Variants in MAP4K3 observed in about 807,000 individuals in gnomAD.
MAP4K3 encodes the protein mitogen-activated protein kinase kinase kinase kinase 3.
Under a neutral mutation model 143.5 loss-of-function variants are expected in MAP4K3, and 94 were observed. The observed-to-expected ratio is 0.65, with a 90% CI of 0.55 to 0.78. MAP4K3 has a LOEUF of 0.78. Ranked by LOEUF, MAP4K3 falls within the 30% of genes least tolerant of loss-of-function variation. The probability of loss-of-function intolerance (pLI) is 0.00; values close to 1 mark genes in which losing one functional copy is unlikely to be tolerated. For synonymous variants in MAP4K3, 416 were observed against 347.2 expected, an observed-to-expected ratio of 1.20 and a Z score of -2.20; for missense variants, 1,077 against 1,068.1, an observed-to-expected ratio of 1.01 and a Z score of -0.12.
At chr2:39,346,141 A>G (rs7563941) in intron 3 of MAP4K3, among the ~76,000 whole-genome samples, 123,405 of 152,132 alleles carry the variant, frequency 0.81, 50,592 homozygotes, top group Non-Finnish European at 0.88. Flanking sequence ...CTTTCAGAAT[A>G]GATGTCTGAG....
At chr2:39,253,282 C>T (rs751700986) in intron 32 of MAP4K3, among the ~76,000 whole-genome samples, 5 of 152,160 alleles carry the variant, frequency 3.3e-5, no homozygotes, top group African/African-American at 7.2e-5. Context: ...TAGAGGCACG[C>T]GCCACCACGC....
intron 1 of MAP4K3, among the ~76,000 whole-genome samples, chr2:39,423,991 T>G (rs2148631042): frequency 6.6e-6 from 1 of 152,284 alleles, no homozygotes; most frequent in South Asian, 2.1e-4. Flanking sequence ...CTGCCCAGGC[T>G]GGAGTGCAGT....
Position 39,272,269 on chromosome 2 carries a change from G to A in MAP4K3, c.1973+14C>T, listed in dbSNP as rs1484819361. The A allele has an allele frequency of 6.4e-7, 1 of 1,557,562 alleles. No individual in the cohort carries two copies. The highest frequency in any genetic ancestry group is 8.9e-7 in the Non-Finnish European group (1 of 1,129,608). On this transcript the variant is annotated intron_variant, in intron 26 of 33. Transcript: ENST00000263881. ...ACTGTTAATATCATATTGCCTCTAA[G>A]GATGTACCCTTACCTTGGCAGTATT...
At chr2:39,261,942 A>G (rs993797017) in intron 28 of MAP4K3, among the ~76,000 whole-genome samples, 2 of 152,174 alleles carry the variant, frequency 1.3e-5, no homozygotes, top group African/African-American at 4.8e-5. Context: ...GTAAAAAAGA[A>G]GCAGGGAGCT....
At chr2:39,314,720 T>C (rs72925249) in intron 13 of MAP4K3, among the ~76,000 whole-genome samples, 10,536 of 152,278 alleles carry the variant, frequency 0.069, 1,243 homozygotes, top group African/African-American at 0.24. Context: ...TGTGAATGAA[T>C]GGCTTGTCTT....
At chr2:39,350,075 G>A (rs1665408745) in intron 3 of MAP4K3, among the ~76,000 whole-genome samples, 2 of 152,164 alleles carry the variant, frequency 1.3e-5, no homozygotes. Flanking sequence ...AACTAACAGA[G>A]GACAGGGGTA....
chr2:39,430,952 T>C (rs907505542), intron 1 of MAP4K3, among the ~76,000 whole-genome samples: 4 of 152,190 alleles, frequency 2.6e-5, no homozygotes, highest in Non-Finnish European at 5.9e-5. Flanking sequence ...CCATGGTTTG[T>C]TCCTCTCGTG....
chr2:39,368,079 G>T (rs1427877756), intron 2 of MAP4K3, among the ~76,000 whole-genome samples: 1 of 152,106 alleles, frequency 6.6e-6, no homozygotes, highest in East Asian at 1.9e-4. Context: ...GTTTACCCGA[G>T]TGGTTCTGAT....
At chr2:39,416,008 A>AC (rs1667369752) in intron 1 of MAP4K3, among the ~76,000 whole-genome samples, 1 of 92,024 alleles carries the variant, frequency 1.1e-5, no homozygotes, top group Admixed American at 1.1e-4. Context: ...TATATATAAA[A>AC]ATAACATTTG....
intron 2 of MAP4K3, among the ~76,000 whole-genome samples, chr2:39,375,434 CT>C (rs1666192211): frequency 2.0e-5 from 3 of 151,970 alleles, no homozygotes; most frequent in African/African-American, 7.3e-5. Flanking sequence ...AAAATCTGGA[CT>C]GGGGGGGAAC....
chr2:39,367,178 T>C (rs939589496), intron 2 of MAP4K3, among the ~76,000 whole-genome samples: 1 of 152,242 alleles, frequency 6.6e-6, no homozygotes, highest in Admixed American at 6.5e-5. Context: ...TTTACATACA[T>C]TGTTACTGAA....
At chr2:39,325,266 C>T (rs1048333217) in intron 12 of MAP4K3, among the ~76,000 whole-genome samples, 1 of 152,152 alleles carries the variant, frequency 6.6e-6, no homozygotes, top group Non-Finnish European at 1.5e-5. Flanking sequence ...ACAGTGATTT[C>T]AACAAGTGGA....
chr2:39,364,956 G>C (rs1302656664), intron 2 of MAP4K3, among the ~76,000 whole-genome samples: 1 of 151,088 alleles, frequency 6.6e-6, no homozygotes, highest in East Asian at 1.9e-4. Context: ...CAGAGCTTTT[G>C]TCAGACCTAT....
intron 4 of MAP4K3, among the ~76,000 whole-genome samples, chr2:39,343,018 T>C (rs562533292): frequency 3.9e-5 from 6 of 152,322 alleles, no homozygotes; most frequent in Non-Finnish European, 1.5e-5. Context: ...TGATATTTCT[T>C]GAATACATGA....
intron 22 of MAP4K3, among the ~76,000 whole-genome samples, chr2:39,280,614 T>G (rs1227883680): frequency 6.6e-6 from 1 of 152,138 alleles, no homozygotes; most frequent in African/African-American, 2.4e-5. Context: ...TTCTATCTTT[T>G]CAACTAAACA....
intron 16 of MAP4K3, among the ~76,000 whole-genome samples, chr2:39,295,469 A>G (rs1387258401): frequency 6.6e-6 from 1 of 152,122 alleles, no homozygotes; most frequent in Non-Finnish European, 1.5e-5. Flanking sequence ...ACTGTAAAAA[A>G]ATCATGAGAC....
At chr2:39,412,185 G>A (rs1003394280) in intron 1 of MAP4K3, among the ~76,000 whole-genome samples, 1 of 152,146 alleles carries the variant, frequency 6.6e-6, no homozygotes, top group Non-Finnish European at 1.5e-5. Context: ...TACTTTCAGG[G>A]GCAAAATCAG....
At chr2:39,388,365 G>A (rs905117990) in intron 1 of MAP4K3, among the ~76,000 whole-genome samples, 11 of 152,050 alleles carry the variant, frequency 7.2e-5, no homozygotes, top group East Asian at 1.9e-4. Flanking sequence ...ACTCTTTTAC[G>A]TGCACTGAAC....
At chr2:39,365,137 C>T (rs1355454559) in intron 2 of MAP4K3, among the ~76,000 whole-genome samples, 2 of 152,084 alleles carry the variant, frequency 1.3e-5, no homozygotes, top group Non-Finnish European at 2.9e-5. Flanking sequence ...TCTTTCAGGG[C>T]CTGCTATCTG....
Sources: allele counts gnomAD v4.1 joint callset (sites outside exome capture counted in the v4.1 genomes callset), GRCh38; gene constraint gnomAD v4.1.1; transcripts MANE v1.5; gene names NCBI Gene and HGNC (gene_info 2026-07-23, HGNC 2026-07-21).